MGAT5: variants seen among roughly 807,000 people sequenced by gnomAD.
MGAT5 encodes the protein alpha-1,6-mannosylglycoprotein 6-beta-N-acetylglucosaminyltransferase A.
In MGAT5, 30 loss-of-function variants were observed where a neutral mutation model predicts 94.3. The observed-to-expected ratio is 0.32, with a 90% CI of 0.24 to 0.43. The LOEUF (loss-of-function observed/expected upper bound fraction) is 0.43. Ranked by LOEUF, MGAT5 falls within the 20% of genes least tolerant of loss-of-function variation. MGAT5 has a pLI of 1.00. For synonymous variants in MGAT5, 310 were observed against 322.9 expected (o/e 0.96, Z 0.43); for missense variants, 691 against 905.5 (o/e 0.76, Z 3.04).
chr2:134,254,524 G>C lies in MGAT5; in HGVS notation c.121G>C (p.Glu41Gln). The C allele has an allele frequency of 6.2e-7, 1 of 1,614,212 alleles. No homozygotes were observed. The highest frequency in any genetic ancestry group is 8.5e-7 in the Non-Finnish European group (1 of 1,180,030). The change falls in exon 1 of 16, where the codon GAA becomes CAA. Residue 41 changes from glutamate to glutamine, a missense_variant. Transcript: ENST00000281923. ...TACCATCCAGCAGCGAACTCAGCCT[G>C]AAAGCAGCTCCATGCTGCGCGAGCA... ...HFTIQQRTQP[E>Q]SSSMLREQIL...
chr2:134,196,585 A>G (rs2105260384), intron 1 of MGAT5, among the ~76,000 whole-genome samples: 1 of 152,352 alleles, frequency 6.6e-6, no homozygotes, highest in South Asian at 2.1e-4. Flanking sequence ...GTTTTCCCAT[A>G]AGGTTCAACT....
In MGAT5 at chr2:134,448,871, C is replaced by T. The variant is rs1286115322; in HGVS notation, c.*24C>T. 1.2e-6 allele frequency: 2 copies of T among 1,605,212 alleles called. No individual in the cohort carries two copies. Among genetic ancestry groups the T allele is most frequent in the South Asian group, 1.1e-5 (1 of 90,346 alleles). On this transcript the variant is annotated 3_prime_UTR_variant, in exon 16 of 16. Coordinates refer to ENST00000281923, the MANE Select transcript of MGAT5 (RefSeq NM_002410.5). ...AGCAGCTACCTGCTCAGCCCTGCAC[C>T]ATGCTGCTGGGGAAGACAGTGGCCC...
At chr2:134,335,137 A>G (rs1391126090) in intron 4 of MGAT5, among the ~76,000 whole-genome samples, 2 of 152,138 alleles carry the variant, frequency 1.3e-5, no homozygotes, top group African/African-American at 2.4e-5. Flanking sequence ...AGTAAAACTG[A>G]CATGTTTCTT....
intron 1 of MGAT5, among the ~76,000 whole-genome samples, chr2:134,174,470 G>A (rs953127744): frequency 6.6e-6 from 1 of 152,270 alleles, no homozygotes; most frequent in African/African-American, 2.4e-5. Context: ...AGCAGCATAT[G>A]AGCTGAATGA....
At chr2:134,202,206 T>G (rs944839418) in intron 1 of MGAT5, among the ~76,000 whole-genome samples, 10 of 152,208 alleles carry the variant, frequency 6.6e-5, no homozygotes, top group African/African-American at 2.4e-4. Flanking sequence ...TCTGAATGTT[T>G]GTGTCCCTCC....
chr2:134,149,838 A>G (rs1262693585), intron 1 of MGAT5, among the ~76,000 whole-genome samples: 3 of 152,212 alleles, frequency 2.0e-5, no homozygotes, highest in Non-Finnish European at 2.9e-5. Context: ...CTGGGGAGGA[A>G]GTAGAGTTAC....
chr2:134,424,371 G>A (rs1459874193), intron 13 of MGAT5, among the ~76,000 whole-genome samples: 2 of 152,146 alleles, frequency 1.3e-5, no homozygotes, highest in Admixed American at 6.5e-5. Flanking sequence ...TGCTCTACCC[G>A]CTTCAAGGTG....
At chr2:134,129,448 A>T (rs776976985) in intron 1 of MGAT5, among the ~76,000 whole-genome samples, 3 of 152,178 alleles carry the variant, frequency 2.0e-5, no homozygotes, top group Non-Finnish European at 4.4e-5. Flanking sequence ...TTAGTATATG[A>T]TGAACATCTT....
At chr2:134,333,440 G>A (rs914531750) in intron 4 of MGAT5, among the ~76,000 whole-genome samples, 2 of 113,208 alleles carry the variant, frequency 1.8e-5, no homozygotes, top group Non-Finnish European at 3.5e-5. Flanking sequence ...GTTGTGGGGT[G>A]GGGGGAGGGG....
chr2:134,409,105 T>C (rs1362641876), intron 11 of MGAT5, among the ~76,000 whole-genome samples: 1 of 152,192 alleles, frequency 6.6e-6, no homozygotes, highest in Admixed American at 6.5e-5. Context: ...CCTGCACACG[T>C]AAACTCCGTC....
At chr2:134,444,458 C>T (rs1685664076) in intron 15 of MGAT5, among the ~76,000 whole-genome samples, 2 of 152,120 alleles carry the variant, frequency 1.3e-5, no homozygotes, top group Admixed American at 1.3e-4. Context: ...TATTAATTCT[C>T]TGAACATAAG....
intron 5 of MGAT5, among the ~76,000 whole-genome samples, chr2:134,337,983 A>G (rs575571375): frequency 2.8e-4 from 42 of 152,270 alleles, no homozygotes; most frequent in African/African-American, 9.6e-4. Flanking sequence ...TAAAAACTGC[A>G]TTTTAACATA....
At chr2:134,382,704 C>G (rs1681710867) in intron 10 of MGAT5, among the ~76,000 whole-genome samples, 1 of 152,222 alleles carries the variant, frequency 6.6e-6, no homozygotes, top group African/African-American at 2.4e-5. Context: ...TGGACTTCTA[C>G]TTCTCAAAGT....
intron 1 of MGAT5, among the ~76,000 whole-genome samples, chr2:134,199,880 T>C (rs1679690478): frequency 6.6e-6 from 1 of 152,170 alleles, no homozygotes; most frequent in Admixed American, 6.5e-5. Flanking sequence ...ATTGGTGCTC[T>C]GTATGTGGAG....
At chr2:134,423,831 T>A (rs115576662) in intron 13 of MGAT5, among the ~76,000 whole-genome samples, 19,663 of 152,126 alleles carry the variant, frequency 0.13, 1,668 homozygotes, top group East Asian at 0.3. Flanking sequence ...CTACTTGTGT[T>A]TAGTGTTTAG....
intron 10 of MGAT5, among the ~76,000 whole-genome samples, chr2:134,385,715 A>G (rs1005700718): frequency 1.1e-4 from 16 of 152,344 alleles, no homozygotes; most frequent in Admixed American, 9.8e-4. Context: ...TACGAAACAT[A>G]CATAGGGCAT....
At chr2:134,173,885 C>T (rs1037264752) in intron 1 of MGAT5, among the ~76,000 whole-genome samples, 2 of 152,248 alleles carry the variant, frequency 1.3e-5, no homozygotes, top group Non-Finnish European at 2.9e-5. Flanking sequence ...TACACGCTTT[C>T]TCCACCTTAG....
chr2:134,344,892 T>G, intron 7 of MGAT5, 38 bp from the exon 8 acceptor site: 2 of 1,601,920 alleles, frequency 1.2e-6, no homozygotes, highest in South Asian at 1.1e-5. Context: ...TAAATGATTT[T>G]TCTCTTTTTT....
At position 134,192,657 on chromosome 2, in the gene MGAT5, T is replaced by A. The variant is rs544339667; in HGVS notation, c.-142-61605T>A. On this transcript the variant is annotated intron_variant, in intron 1 of 16. Coordinates refer to the MGAT5 transcript ENST00000409645. Reference sequence around the variant, plus strand: ...AGTGAAAGACTATTGCATTACTTTTTAAAATTTTTTTATTTTTTTATTTTT... The same window carrying A: ...AGTGAAAGACTATTGCATTACTTTTAAAAATTTTTTTATTTTTTTATTTTT... Among the ~76,000 whole-genome samples the A allele has an allele frequency of 1.1e-3, 171 of 152,222 alleles. 1 individual carries two copies. Among genetic ancestry groups the A allele is most frequent in the African/African-American group, 3.9e-3 (161 of 41,576 alleles).
Sources: gnomAD v4.1 joint callset for allele counts (sites outside exome capture counted in the v4.1 genomes callset) on GRCh38, gnomAD v4.1.1 for gene constraint, MANE v1.5 for transcripts, NCBI Gene and HGNC (gene_info 2026-07-23, HGNC 2026-07-21) for gene names.